The following SORCS2 variants were observed in gnomAD, a reference collection of about 807,000 sequenced individuals.
The protein encoded by SORCS2 is sortilin related VPS10 domain containing receptor 2, also known as VPS10 domain-containing receptor SorCS2.
In SORCS2, 100 loss-of-function variants were observed where a neutral mutation model predicts 141.6. The observed-to-expected ratio is 0.71, with a 90% CI of 0.60 to 0.83. The LOEUF (loss-of-function observed/expected upper bound fraction) is 0.83. Ranked by LOEUF, SORCS2 falls within the 40% of genes least tolerant of loss-of-function variation. SORCS2 has a pLI of 0.00. For synonymous variants in SORCS2, 789 were observed against 676.9 expected (o/e 1.17, Z -2.57); for missense variants, 1,646 against 1,560.2 (o/e 1.05, Z -0.93).
At chr4:7,261,124 C>T (rs1409372786) in intron 1 of SORCS2, among the ~76,000 whole-genome samples, 1 of 152,170 alleles carries the variant, frequency 6.6e-6, no homozygotes, top group Non-Finnish European at 1.5e-5. Context: ...GGTGCTGGAA[C>T]CAGCCTGGGA....
At position 7,667,021 on chromosome 4, in the gene SORCS2, G is replaced by C. The variant is rs1026518000; in HGVS notation, c.1072-103G>C. ...CAGAACAGGTAGAAGGAAAGTAAAA[G>C]GGCATTTTCACTTGCTGAATATAAC... is the stretch of plus-strand genomic sequence containing the variant. On this transcript the variant is annotated intron_variant, in intron 7 of 26. Transcript: ENST00000507866. 4 of 1,027,458 alleles carry C rather than the reference G, an allele frequency of 3.9e-6. No homozygotes were observed. The Admixed American group carries it at 5.4e-5, about 14-fold the overall frequency. The allele number at this position is 1,027,458 out of a possible 1,614,324, so 63.6% of individuals were successfully genotyped here.
chr4:7,302,262 G>A (rs1224291031), intron 1 of SORCS2, among the ~76,000 whole-genome samples: 6 of 152,342 alleles, frequency 3.9e-5, no homozygotes, highest in Admixed American at 3.3e-4. Flanking sequence ...GGAGTCAGAC[G>A]CAGTGCCTGC....
At position 7,353,046 on chromosome 4, in the gene SORCS2, A is replaced by G. The variant is rs114301006; in HGVS notation, c.481-43242A>G. Among the ~76,000 whole-genome samples, 583 of 152,204 alleles carry G rather than the reference A, an allele frequency of 3.8e-3. 3 individuals carry two copies. The highest frequency in any genetic ancestry group is 0.013 in the African/African-American group (543 of 41,542). ...TCTGAGGCCCTGTCTCCCTGGTTCT[A>G]GAGGTCATCACCCAGCTCTGTGACA... On this transcript the variant is annotated intron_variant, in intron 1 of 26. Coordinates refer to ENST00000507866, the MANE Select transcript of SORCS2 (RefSeq NM_020777.3).
chr4:7,701,931 C>T (rs1725114319), intron 12 of SORCS2, among the ~76,000 whole-genome samples: 2 of 152,154 alleles, frequency 1.3e-5, no homozygotes, highest in Non-Finnish European at 2.9e-5. Context: ...CACATGAGGC[C>T]CCGTTAGGCT....
intron 3 of SORCS2, among the ~76,000 whole-genome samples, chr4:7,536,435 A>G (rs1388155830): frequency 6.6e-6 from 1 of 152,258 alleles, no homozygotes; most frequent in Non-Finnish European, 1.5e-5. Context: ...ATTTGACTTT[A>G]CATGTCAAGT....
chr4:7,729,403 G>T (rs2148891127), intron 22 of SORCS2, among the ~76,000 whole-genome samples, 184 bp from the exon 23 acceptor site: 1 of 152,184 alleles, frequency 6.6e-6, no homozygotes. Flanking sequence ...GGGTAGCTGG[G>T]TGCAGGGGGT....
At chr4:7,512,763 A>T (rs1384752304) in intron 2 of SORCS2, among the ~76,000 whole-genome samples, 4 of 149,660 alleles carry the variant, frequency 2.7e-5, no homozygotes, top group African/African-American at 9.9e-5. Flanking sequence ...GCTTGGCTCC[A>T]CTCCCTCAGG....
chr4:7,416,734 G>A (rs111069214), intron 2 of SORCS2, among the ~76,000 whole-genome samples: 25 of 104,850 alleles, frequency 2.4e-4, no homozygotes, highest in East Asian at 1.3e-3. Flanking sequence ...AGACACACAC[G>A]CATGCACACA....
chr4:7,459,483 A>G (rs1729151220), intron 2 of SORCS2, among the ~76,000 whole-genome samples: 1 of 152,120 alleles, frequency 6.6e-6, no homozygotes, highest in African/African-American at 2.4e-5. Context: ...CCTCTCTCCC[A>G]GGTGGACGTG....
intron 1 of SORCS2, among the ~76,000 whole-genome samples, chr4:7,340,723 G>A (rs561910958): frequency 5.3e-5 from 8 of 152,344 alleles, no homozygotes; most frequent in African/African-American, 1.2e-4. Flanking sequence ...AGGCAAGACC[G>A]AGGAAAAGAG....
chr4:7,476,071 G>A (rs1377047411), intron 2 of SORCS2, among the ~76,000 whole-genome samples: 4 of 152,182 alleles, frequency 2.6e-5, no homozygotes, highest in Non-Finnish European at 4.4e-5. Context: ...CTATACCCAG[G>A]CGCTTCTCTC....
intron 2 of SORCS2, among the ~76,000 whole-genome samples, chr4:7,427,837 ACCACCGCC>A (rs1448217842): frequency 6.8e-6 from 1 of 147,520 alleles, no homozygotes; most frequent in Non-Finnish European, 1.5e-5. Context: ...ACGATCCCAC[ACCACCGCC>A]CCCCCGCCCC....
At chr4:7,312,303 C>A (rs1037011458) in intron 1 of SORCS2, among the ~76,000 whole-genome samples, 1 of 152,214 alleles carries the variant, frequency 6.6e-6, no homozygotes, top group African/African-American at 2.4e-5. Context: ...TTCTCACACT[C>A]AAGCACCGAT....
chr4:7,466,929 C>T (rs1180071199), intron 2 of SORCS2, among the ~76,000 whole-genome samples: 2 of 152,112 alleles, frequency 1.3e-5, no homozygotes, highest in Non-Finnish European at 2.9e-5. Context: ...AGGGGAGGCA[C>T]CCTGCTGCCT....
intron 4 of SORCS2, among the ~76,000 whole-genome samples, chr4:7,643,226 C>T (rs895092957): frequency 4.6e-5 from 7 of 152,152 alleles, no homozygotes; most frequent in African/African-American, 1.7e-4. Flanking sequence ...GCATAATATG[C>T]ATTTCTTCCA....
intron 11 of SORCS2, among the ~76,000 whole-genome samples, chr4:7,691,820 C>T (rs1724275142): frequency 6.6e-6 from 1 of 152,070 alleles, no homozygotes; most frequent in Admixed American, 6.5e-5. Flanking sequence ...TGCAAAAAGG[C>T]ATGATTTCCA....
chr4:7,577,007 A>G (rs952750907), intron 3 of SORCS2, among the ~76,000 whole-genome samples: 1 of 152,226 alleles, frequency 6.6e-6, no homozygotes, highest in African/African-American at 2.4e-5. Flanking sequence ...CCATGAGGAC[A>G]GATGTGGTCT....
intron 3 of SORCS2, among the ~76,000 whole-genome samples, chr4:7,535,172 A>G (rs1171741532): frequency 6.6e-6 from 1 of 152,182 alleles, no homozygotes; most frequent in Non-Finnish European, 1.5e-5. Flanking sequence ...TCCTCACCAC[A>G]GGACAAAACT....
chr4:7,535,942 A>C (rs1219008601), intron 3 of SORCS2, among the ~76,000 whole-genome samples: 1 of 152,196 alleles, frequency 6.6e-6, no homozygotes, highest in East Asian at 1.9e-4. Flanking sequence ...ATTATCAGTG[A>C]TGGGAACCGG....
Sources: gnomAD v4.1 joint callset for allele counts (sites outside exome capture counted in the v4.1 genomes callset) on GRCh38, gnomAD v4.1.1 for gene constraint, MANE v1.5 for transcripts, NCBI Gene and HGNC (gene_info 2026-07-23, HGNC 2026-07-21) for gene names.